The following FNDC3B variants were observed in gnomAD, a reference collection of about 807,000 sequenced individuals.
The protein encoded by FNDC3B is fibronectin type III domain-containing protein 3B.
FNDC3B carries 12 observed loss-of-function variants against 151.5 expected under a neutral mutation model. That is an observed-to-expected ratio of 0.08 (90% CI 0.05 to 0.13). The LOEUF is 0.13. Among genes scored for constraint, FNDC3B ranks in the 10% least tolerant of loss-of-function variants. The probability of loss-of-function intolerance (pLI) is 1.00; values close to 1 mark genes in which losing one functional copy is unlikely to be tolerated. For synonymous variants in FNDC3B, 528 were observed against 549.0 expected (o/e 0.96, Z 0.54); for missense variants, 1,214 against 1,505.3 (o/e 0.81, Z 3.20).
chr3:172,252,808 T>C (rs1576841476), intron 6 of FNDC3B, among the ~76,000 whole-genome samples: 2 of 152,208 alleles, frequency 1.3e-5, no homozygotes, highest in African/African-American at 4.8e-5. Context: ...TCTGCAATTA[T>C]CACGTTATTC....
chr3:172,148,000 G>A (rs1722006632), intron 3 of FNDC3B, among the ~76,000 whole-genome samples: 1 of 151,960 alleles, frequency 6.6e-6, no homozygotes, highest in Admixed American at 6.5e-5. Flanking sequence ...CTTTTCTACA[G>A]TTTTAATGAA....
At chr3:172,057,534 G>T (rs562096475) in intron 1 of FNDC3B, among the ~76,000 whole-genome samples, 4 of 152,096 alleles carry the variant, frequency 2.6e-5, no homozygotes, top group African/African-American at 4.8e-5. Flanking sequence ...AAAGGGGTTG[G>T]GGGGAAGAAC....
chr3:172,338,120 C>T (rs1017436534), intron 16 of FNDC3B: 3 of 152,134 alleles, frequency 2.0e-5, no homozygotes, highest in African/African-American at 7.2e-5. Context: ...TCAAGACCAT[C>T]CTGGCCAACA....
chr3:172,053,072 TC>T (rs1716746486), intron 1 of FNDC3B, among the ~76,000 whole-genome samples: 1 of 152,236 alleles, frequency 6.6e-6, no homozygotes, highest in African/African-American at 2.4e-5. Context: ...AAATATGTAT[TC>T]CATCCATATG....
intron 22 of FNDC3B, among the ~76,000 whole-genome samples, chr3:172,361,552 C>T (rs936258775): frequency 5.3e-5 from 8 of 152,156 alleles, no homozygotes; most frequent in African/African-American, 9.7e-5. Flanking sequence ...CTGAGACCTC[C>T]GCAGCATGGC....
chr3:172,085,057 G>A (rs551755386), intron 1 of FNDC3B, among the ~76,000 whole-genome samples: 5 of 152,276 alleles, frequency 3.3e-5, no homozygotes, highest in South Asian at 2.1e-4. Flanking sequence ...TGGTAAATAC[G>A]TGGTGCTACA....
chr3:172,201,432 G>A (rs573952729), intron 3 of FNDC3B, among the ~76,000 whole-genome samples: 3 of 152,200 alleles, frequency 2.0e-5, no homozygotes, highest in East Asian at 1.9e-4. Context: ...GCGTACGTGC[G>A]GTGGAGTGGG....
intron 1 of FNDC3B, among the ~76,000 whole-genome samples, chr3:172,100,967 A>G (rs1423971103): frequency 6.6e-6 from 1 of 152,212 alleles, no homozygotes; most frequent in Non-Finnish European, 1.5e-5. Context: ...AATCTTTGAA[A>G]TATATATTTA....
intron 23 of FNDC3B, among the ~76,000 whole-genome samples, chr3:172,375,787 C>CCCTT (rs1288705685): frequency 1.3e-5 from 2 of 152,040 alleles, no homozygotes; most frequent in African/African-American, 4.8e-5. Context: ...AAAGAACCAC[C>CCCTT]CCTTTCCCTC....
chr3:172,257,533 A>G (rs1281200906), intron 6 of FNDC3B, among the ~76,000 whole-genome samples: 1 of 151,514 alleles, frequency 6.6e-6, no homozygotes, highest in Non-Finnish European at 1.5e-5. Context: ...TTTTAAATAC[A>G]GTATCCCTTC....
At chr3:172,236,010 C>G (rs62281791) in intron 4 of FNDC3B, among the ~76,000 whole-genome samples, 1 of 152,218 alleles carries the variant, frequency 6.6e-6, no homozygotes, top group South Asian at 2.1e-4. Flanking sequence ...ATCTCAGAAG[C>G]AGCTCAACTG....
chr3:172,358,992 GGTGGTGGTGGT>G, intron 22 of FNDC3B, among the ~76,000 whole-genome samples: 1 of 146,888 alleles, frequency 6.8e-6, no homozygotes, highest in Non-Finnish European at 1.5e-5. Context: ...TGGTGGTGGT[GGTGGTGGTGGT>G]GGTGGTGGTG....
In FNDC3B at chr3:172,398,194, T is replaced by G. The variant is rs1446383448; in HGVS notation, c.*719T>G. The stretch of plus-strand genomic sequence containing the variant: ...ACCACATCAATTCATAGCAGTAACT[T>G]TAAGAGGGCATTGTGCAATAGTTAG... On this transcript the variant is annotated 3_prime_UTR_variant, in exon 26 of 26. Coordinates refer to ENST00000415807, the MANE Select transcript of FNDC3B (RefSeq NM_022763.4). 2.0e-5 allele frequency: 3 copies of G among 152,674 alleles called. No homozygotes were observed. Among genetic ancestry groups the G allele is most frequent in the Non-Finnish European group, 2.9e-5 (2 of 68,044 alleles). The allele number at this position is 152,674 out of a possible 1,614,324, so 9.5% of individuals were successfully genotyped here.
Position 172,397,336 on chromosome 3 carries a change from G to C in FNDC3B, c.3476G>C (p.Gly1159Ala). 6.2e-7 allele frequency: 1 copy of C among 1,614,176 alleles called. No individual in the cohort carries two copies. Among genetic ancestry groups the C allele is most frequent in the South Asian group, 1.1e-5 (1 of 91,084 alleles). The change falls in exon 26 of 26, where the codon GGG (glycine) becomes GCG (alanine). Residue 1159 changes from glycine to alanine, a missense_variant. Around this residue, in one of 7 missense-constraint regions of FNDC3B, gnomAD observed 284 missense variants for 392.4 expected, o/e 0.72. Transcript: ENST00000415807. ...CAACGAAGTGAGGTCATGCTTACAG[G>C]GGACATGGGGAGCTTAGATGATCCC... is the stretch of plus-strand genomic sequence containing the variant. ...VLQRSEVMLT[G>A]DMGSLDDPKM...
At chr3:172,054,236 A>G (rs1409599137) in intron 1 of FNDC3B, among the ~76,000 whole-genome samples, 1 of 152,198 alleles carries the variant, frequency 6.6e-6, no homozygotes, top group Non-Finnish European at 1.5e-5. Context: ...GGGATGAGCA[A>G]AGGACTAGAG....
intron 15 of FNDC3B, among the ~76,000 whole-genome samples, chr3:172,336,532 G>A (rs1004030395): frequency 9.2e-5 from 14 of 152,134 alleles, no homozygotes; most frequent in Non-Finnish European, 1.6e-4. Context: ...TAGAATGGAC[G>A]TATTCCATTT....
At chr3:172,146,387 G>A (rs1721908290) in intron 3 of FNDC3B, among the ~76,000 whole-genome samples, 1 of 151,972 alleles carries the variant, frequency 6.6e-6, no homozygotes, top group Non-Finnish European at 1.5e-5. Context: ...GAATTACCTG[G>A]GAACTTAAAA....
intron 1 of FNDC3B, among the ~76,000 whole-genome samples, chr3:172,061,758 T>A (rs1273907530): frequency 6.6e-6 from 1 of 152,224 alleles, no homozygotes; most frequent in Non-Finnish European, 1.5e-5. Context: ...ATTGATTTCT[T>A]CCCTTAAATT....
chr3:172,356,934 C>T (rs752141150), intron 22 of FNDC3B, among the ~76,000 whole-genome samples: 1 of 152,040 alleles, frequency 6.6e-6, no homozygotes, highest in Non-Finnish European at 1.5e-5. Context: ...CTGAGATGGC[C>T]AGTCCTGATG....
Sources: gnomAD v4.1 joint callset for allele counts (sites outside exome capture counted in the v4.1 genomes callset) on GRCh38, gnomAD v4.1.1 for gene constraint, gnomAD v4.1.1 regional missense constraint, MANE v1.5 for transcripts, NCBI Gene and HGNC (gene_info 2026-07-23, HGNC 2026-07-21) for gene names.